PCSK6: variants seen among roughly 807,000 people sequenced by gnomAD.
The protein encoded by PCSK6 is paired basic amino acid cleaving enzyme 4.
In PCSK6, 85 loss-of-function variants were observed where a neutral mutation model predicts 123.3. The ratio of observed to expected loss-of-function variants is 0.69; its 90% confidence interval spans 0.58 to 0.83. The LOEUF (loss-of-function observed/expected upper bound fraction) is 0.83, where lower values mean the gene tolerates loss of function less well. Ranked by LOEUF, PCSK6 falls within the 40% of genes least tolerant of loss-of-function variation. PCSK6 has a pLI of 0.00. For synonymous variants in PCSK6, 508 were observed against 516.0 expected (o/e 0.98, Z 0.21); for missense variants, 1,191 against 1,282.3 (o/e 0.93, Z 1.09).
chr15:101,331,811 T>C (rs1273242878), intron 14 of PCSK6, 41 bp downstream of exon 14: 6 of 1,608,936 alleles, frequency 3.7e-6, no homozygotes, highest in Non-Finnish European at 5.1e-6. Flanking sequence ...CAATCAAAGC[T>C]CGTGGAAGCT....
At position 101,431,447 on chromosome 15, in the gene PCSK6, T is replaced by C; in HGVS notation, c.530A>G (p.Asn177Ser). 1 of 1,613,800 alleles carries C rather than the reference T, an allele frequency of 6.2e-7. No individual in the cohort carries two copies. Among genetic ancestry groups the C allele is most frequent in the Non-Finnish European group, 8.5e-7 (1 of 1,179,824 alleles). Residue 177 changes from asparagine to serine, a missense_variant, in exon 4 of 22, where the codon AAC becomes AGC. Transcript: ENST00000611716. Reference sequence around the variant, plus strand: ...ATTCATTTCCGACCGGCAGCGACTGTTCTTGTCGCCACAATGCTGTAAGCA... The same window carrying C: ...ATTCATTTCCGACCGGCAGCGACTGCTCTTGTCGCCACAATGCTGTAAGCA... ...NMWYLHCGDK[N>S]SRCRSEMNVQ... is the part of the protein sequence containing the mutation.
chr15:101,421,326 T>A (rs1021349989), intron 6 of PCSK6, among the ~76,000 whole-genome samples: 3 of 152,228 alleles, frequency 2.0e-5, no homozygotes. Context: ...TTATAAGGAA[T>A]GTGCAGTTTT....
chr15:101,451,439 C>T (rs2057032300), intron 1 of PCSK6, among the ~76,000 whole-genome samples: 1 of 152,138 alleles, frequency 6.6e-6, no homozygotes, highest in Non-Finnish European at 1.5e-5. Context: ...CCCCACCCCA[C>T]CTCCCCAGGC....
chr15:101,476,887 C>T (rs566879622), intron 1 of PCSK6, among the ~76,000 whole-genome samples: 2 of 152,244 alleles, frequency 1.3e-5, no homozygotes, highest in East Asian at 3.9e-4. Context: ...AGTGTGGACC[C>T]TCTGCAAGGC....
chr15:101,429,886 C>T (rs3743190), intron 5 of PCSK6, 101 bp downstream of exon 5: 258,648 of 1,006,904 alleles, frequency 0.26, 33,931 homozygotes, highest in Non-Finnish European at 0.28. Context: ...AGGGAAGATA[C>T]GCCGGCAGCC....
intron 6 of PCSK6, among the ~76,000 whole-genome samples, chr15:101,403,318 G>A (rs570813124): frequency 2.7e-5 from 4 of 150,106 alleles, no homozygotes; most frequent in Non-Finnish European, 5.9e-5. Flanking sequence ...TATACCTAAT[G>A]CTAAATGACC....
At chr15:101,314,432 G>A (rs1476839434) in intron 19 of PCSK6, among the ~76,000 whole-genome samples, 1 of 152,218 alleles carries the variant, frequency 6.6e-6, no homozygotes, top group Non-Finnish European at 1.5e-5. Context: ...TATCTCAGGG[G>A]CTCTATGATA....
intron 6 of PCSK6, among the ~76,000 whole-genome samples, chr15:101,408,471 C>T (rs1273586923): frequency 6.6e-6 from 1 of 152,222 alleles, no homozygotes; most frequent in Non-Finnish European, 1.5e-5. Flanking sequence ...GAGGGCATGG[C>T]CACCAGGGAG....
intron 13 of PCSK6, chr15:101,347,074 C>T: frequency 8.1e-7 from 1 of 1,231,688 alleles, no homozygotes; most frequent in South Asian, 4.1e-5. Context: ...GGAGAGTGTG[C>T]CAAGTTCTTC....
intron 6 of PCSK6, among the ~76,000 whole-genome samples, chr15:101,423,950 T>G (rs2056168403): frequency 6.6e-6 from 1 of 152,198 alleles, no homozygotes. Flanking sequence ...GGAAGGGCCA[T>G]GGTGGCTCAT....
chr15:101,455,970 A>G (rs1596352578), intron 1 of PCSK6, among the ~76,000 whole-genome samples: 1 of 152,196 alleles, frequency 6.6e-6, no homozygotes, highest in East Asian at 1.9e-4. Flanking sequence ...AAGTCAGGGG[A>G]CCAGGTCCCA....
At chr15:101,488,564 A>G (rs558585646) in intron 1 of PCSK6, among the ~76,000 whole-genome samples, 1 of 152,278 alleles carries the variant, frequency 6.6e-6, no homozygotes, top group African/African-American at 2.4e-5. Context: ...GCAACGCAGC[A>G]TTAGATCTTT....
intron 20 of PCSK6, 155 bp downstream of exon 20, chr15:101,313,221 G>A: frequency 6.5e-7 from 1 of 1,542,994 alleles, no homozygotes; most frequent in Non-Finnish European, 8.8e-7. Context: ...AAGGGACGAA[G>A]GCCCCTCAGC....
chr15:101,331,679 G>A lies in PCSK6; in HGVS notation c.2049C>T (p.Thr683=), dbSNP rs2040373377. ...EDEEDYTAQS[T]PGSANILQTS... is the part of the protein sequence containing the mutation. ...TCTGTAAAATATTAGCAGAGCCTGG[G>A]GTGGATTGAGCTGTGTGAGTGCAAA... The change falls in exon 15 of 22, where the codon ACC becomes ACT. Residue 683 remains threonine (T), a synonymous_variant. Transcript: ENST00000611716. The A allele has an allele frequency of 2.5e-6, 4 of 1,613,450 alleles. No individual in the cohort carries two copies. The highest frequency in any genetic ancestry group is 1.3e-5 in the African/African-American group (1 of 74,930).
intron 13 of PCSK6, among the ~76,000 whole-genome samples, chr15:101,358,707 G>A (rs1425168862): frequency 1.3e-5 from 2 of 152,194 alleles, no homozygotes; most frequent in Admixed American, 6.5e-5. Flanking sequence ...GGCTTATCCT[G>A]GATCAACCTC....
At position 101,481,431 on chromosome 15, in the gene PCSK6, C is replaced by T. The variant is rs146604854; in HGVS notation, c.297+7943G>A. On this transcript the variant is annotated intron_variant, in intron 1 of 21. Transcript: ENST00000611716. The stretch of plus-strand genomic sequence containing the variant: ...GGGCGAACCTGGTGACAGGTAAAGC[C>T]GTTCTGGGCAGGAAGAACAACAGAA... Among the ~76,000 whole-genome samples the T allele has an allele frequency of 3.5e-3, 530 of 151,640 alleles. 6 individuals carry two copies. The highest frequency in any genetic ancestry group is 0.012 in the African/African-American group (499 of 41,054).
chr15:101,304,581 C>T lies in PCSK6; in HGVS notation c.*677G>A, dbSNP rs2039681018. 1 of 152,194 alleles carries T rather than the reference C, an allele frequency of 6.6e-6. No homozygotes were observed. The highest frequency in any genetic ancestry group is 2.4e-5 in the African/African-American group (1 of 41,420). The allele number at this position is 152,194 out of a possible 1,614,324, so 9.4% of individuals were successfully genotyped here. A position where few individuals can be genotyped will look rare whatever the true frequency, so the allele number is the denominator to read the frequency against. On this transcript the variant is annotated 3_prime_UTR_variant, in exon 22 of 22. Coordinates refer to ENST00000611716, the MANE Select transcript of PCSK6 (RefSeq NM_002570.5). ...AGACAGAACACGGTAACAAGGAGAG[C>T]TCGGCTTGCTCAAAGGAGAGCGCTG...
intron 5 of PCSK6, among the ~76,000 whole-genome samples, chr15:101,429,664 G>C (rs544461673): frequency 3.3e-5 from 5 of 152,212 alleles, no homozygotes; most frequent in Admixed American, 2.0e-4. Context: ...CACACAGCAG[G>C]TCATGGAGAC....
intron 6 of PCSK6, among the ~76,000 whole-genome samples, chr15:101,419,133 T>C (rs1031530485): frequency 1.2e-4 from 19 of 152,074 alleles, no homozygotes; most frequent in Non-Finnish European, 2.6e-4. Flanking sequence ...GAGTTATTAA[T>C]ATTAAAGAGA....
Sources: gnomAD v4.1 joint callset for allele counts (sites outside exome capture counted in the v4.1 genomes callset) on GRCh38, gnomAD v4.1.1 for gene constraint, MANE v1.5 for transcripts, NCBI Gene and HGNC (gene_info 2026-07-23, HGNC 2026-07-21) for gene names.